The following PLCL1 variants were observed in gnomAD, a reference collection of about 807,000 sequenced individuals.
PLCL1 encodes the protein inactive phospholipase C-like protein 1.
Under a neutral mutation model 84.4 loss-of-function variants are expected in PLCL1, and 41 were observed. That is an observed-to-expected ratio of 0.49 (90% CI 0.38 to 0.63). PLCL1 has a LOEUF of 0.63. Among genes scored for constraint, PLCL1 ranks in the 30% least tolerant of loss-of-function variants. PLCL1 has a pLI of 0.00. For missense variants in PLCL1, 1,206 were observed against 1,367.8 expected, an observed-to-expected ratio of 0.88 and a Z score of 1.87; for synonymous variants, 490 against 488.3, an observed-to-expected ratio of 1.00 and a Z score of -0.05.
At chr2:198,000,385 C>A (rs922817228) in intron 1 of PLCL1, among the ~76,000 whole-genome samples, 1 of 152,112 alleles carries the variant, frequency 6.6e-6, no homozygotes, top group African/African-American at 2.4e-5. Flanking sequence ...GATCTTGCCA[C>A]CCAGGTACTG....
chr2:197,971,438 A>G (rs1237188457), intron 1 of PLCL1, among the ~76,000 whole-genome samples: 1 of 152,248 alleles, frequency 6.6e-6, no homozygotes, highest in Admixed American at 6.5e-5. Context: ...CATCTTAAGC[A>G]CTTAATAAAT....
chr2:198,073,062 C>CA (rs1692500771), intron 1 of PLCL1, among the ~76,000 whole-genome samples: 1 of 152,034 alleles, frequency 6.6e-6, no homozygotes, highest in South Asian at 2.1e-4. Context: ...AAAAGTCATG[C>CA]AAGTAGGTGG....
chr2:198,102,128 T>A (rs1693357002), intron 4 of PLCL1, among the ~76,000 whole-genome samples: 1 of 151,962 alleles, frequency 6.6e-6, no homozygotes, highest in Non-Finnish European at 1.5e-5. Context: ...GCCCTTTGAA[T>A]CCAGACCAAA....
Position 198,019,475 on chromosome 2 carries a change from G to T in PLCL1, c.241-64283G>T, listed in dbSNP as rs148329667. ...GCATGCTCTAACCCAATGCAAGGAA[G>T]CTAATAACCTTGATAAAAGGTTAGA... On this transcript the variant is annotated intron_variant, in intron 1 of 5. Transcript: ENST00000428675. Among the ~76,000 whole-genome samples the T allele has an allele frequency of 1.4e-4, 21 of 152,284 alleles. 1 individual carries two copies. In the East Asian group the frequency reaches 4.1e-3, roughly 29 times the overall value.
chr2:198,088,738 A>G (rs1365879734), intron 2 of PLCL1, 120 bp from the exon 3 acceptor site: 3 of 741,312 alleles, frequency 4.0e-6, no homozygotes, highest in Non-Finnish European at 7.4e-6. Context: ...GATGAAGTAT[A>G]GTTATGAATT....
intron 1 of PLCL1, among the ~76,000 whole-genome samples, chr2:198,066,368 A>G (rs866926053): frequency 3.3e-5 from 5 of 152,122 alleles, no homozygotes; most frequent in Admixed American, 6.5e-5. Context: ...CTCTGTTTCT[A>G]CAAGCAGCTC....
intron 1 of PLCL1, among the ~76,000 whole-genome samples, chr2:197,836,378 C>T (rs1380285942): frequency 7.3e-5 from 9 of 122,876 alleles, no homozygotes; most frequent in African/African-American, 2.7e-4. Context: ...ACCCGGGAGG[C>T]GGAGCTTGCA....
intron 1 of PLCL1, among the ~76,000 whole-genome samples, chr2:198,057,793 A>G (rs1003225092): frequency 6.6e-6 from 1 of 152,238 alleles, no homozygotes; most frequent in Non-Finnish European, 1.5e-5. Flanking sequence ...TGCTACTCTT[A>G]TTAACTAGAC....
intron 1 of PLCL1, among the ~76,000 whole-genome samples, chr2:197,955,946 T>A (rs1689482824): frequency 6.6e-6 from 1 of 151,542 alleles, no homozygotes; most frequent in South Asian, 2.1e-4. Flanking sequence ...CATTAGGTAT[T>A]TGTCATAATG....
chr2:198,072,950 C>T (rs1692497921), intron 1 of PLCL1, among the ~76,000 whole-genome samples: 1 of 152,108 alleles, frequency 6.6e-6, no homozygotes, highest in African/African-American at 2.4e-5. Context: ...AGTACTTTAG[C>T]ATGCTTTATT....
At chr2:198,015,126 C>A (rs1013146044) in intron 1 of PLCL1, among the ~76,000 whole-genome samples, 10 of 152,078 alleles carry the variant, frequency 6.6e-5, no homozygotes, top group African/African-American at 2.4e-4. Context: ...AGGCTATTTT[C>A]CTTCTATTTC....
intron 1 of PLCL1, among the ~76,000 whole-genome samples, chr2:197,895,883 C>T (rs1201040992): frequency 6.6e-6 from 1 of 151,830 alleles, no homozygotes; most frequent in Non-Finnish European, 1.5e-5. Context: ...GGAACCATAC[C>T]CTGCAATTCC....
chr2:198,057,328 G>A (rs1293180203), intron 1 of PLCL1, among the ~76,000 whole-genome samples: 2 of 152,096 alleles, frequency 1.3e-5, no homozygotes, highest in African/African-American at 4.8e-5. Context: ...AGCTGGTGAG[G>A]ATGTGGCCAG....
chr2:197,845,292 G>A (rs956352641), intron 1 of PLCL1, among the ~76,000 whole-genome samples: 1 of 152,072 alleles, frequency 6.6e-6, no homozygotes, highest in African/African-American at 2.4e-5. Context: ...ACACACACAT[G>A]CTAAGTGTGT....
chr2:198,048,692 C>G (rs1416995249), intron 1 of PLCL1, among the ~76,000 whole-genome samples: 1 of 152,184 alleles, frequency 6.6e-6, no homozygotes, highest in African/African-American at 2.4e-5. Context: ...GGACACCAGG[C>G]CATTCATGAG....
chr2:198,136,272 G>T (rs3771369), intron 5 of PLCL1, among the ~76,000 whole-genome samples: 39,296 of 151,920 alleles, frequency 0.26, 6,375 homozygotes, highest in East Asian at 0.54. Flanking sequence ...AAAGAATTTA[G>T]AGGTATTATC....
At chr2:197,807,787 C>T (rs1005296759) in intron 1 of PLCL1, among the ~76,000 whole-genome samples, 1 of 152,014 alleles carries the variant, frequency 6.6e-6, no homozygotes, top group Non-Finnish European at 1.5e-5. Context: ...AGCTGTAGTG[C>T]AGTAATAATT....
intron 1 of PLCL1, among the ~76,000 whole-genome samples, chr2:198,067,970 T>G (rs1056150278): frequency 6.6e-6 from 1 of 152,230 alleles, no homozygotes; most frequent in Non-Finnish European, 1.5e-5. Context: ...GCAAGTGTTA[T>G]TAAGAAACCA....
At chr2:198,134,674 G>GT (rs776044050) in intron 5 of PLCL1, among the ~76,000 whole-genome samples, 4 of 152,118 alleles carry the variant, frequency 2.6e-5, no homozygotes, top group Non-Finnish European at 5.9e-5. Context: ...AATGTCCTTG[G>GT]TAAAAGGACA....
Sources: allele counts gnomAD v4.1 joint callset (sites outside exome capture counted in the v4.1 genomes callset), GRCh38; gene constraint gnomAD v4.1.1; transcripts MANE v1.5; gene names NCBI Gene and HGNC (gene_info 2026-07-23, HGNC 2026-07-21).